Variants in IQCH observed in about 807,000 individuals in gnomAD.
IQCH encodes the protein IQ domain-containing protein H.
Under a neutral mutation model 117.0 loss-of-function variants are expected in IQCH, and 98 were observed. The ratio of observed to expected loss-of-function variants is 0.84; its 90% CI spans 0.71 to 0.99. IQCH has a LOEUF of 0.99. Among genes scored for constraint, IQCH ranks in the 50% least tolerant of loss-of-function variants. The pLI is 0.00. For synonymous variants in IQCH, 412 were observed against 448.2 expected, an observed-to-expected ratio of 0.92 and a Z score of 1.02; for missense variants, 1,102 against 1,243.8, an observed-to-expected ratio of 0.89 and a Z score of 1.72.
In IQCH at chr15:67,369,899, A is replaced by T. The variant is rs1970465428; in HGVS notation, c.754-2212A>T. Among the ~76,000 whole-genome samples the T allele has an allele frequency of 1.3e-5, 2 of 152,058 alleles. No homozygotes were observed. Among genetic ancestry groups the T allele is most frequent in the Non-Finnish European group, 2.9e-5 (2 of 68,000 alleles). ...ATGTACTACAGTTATGCTTTAGCTG[A>T]CTCCAAACCGATAGCTTCCCAGTGC... On this transcript the variant is annotated intron_variant, in intron 8 of 20. Coordinates refer to ENST00000335894, the MANE Select transcript of IQCH (RefSeq NM_001031715.3). The surrounding 1 kb of genome is among the most constrained non-coding windows in gnomAD (Gnocchi z 5.2).
intron 2 of IQCH, among the ~76,000 whole-genome samples, chr15:67,262,314 C>T (rs967849251): frequency 6.6e-6 from 1 of 152,120 alleles, no homozygotes; most frequent in African/African-American, 2.4e-5. Flanking sequence ...ATGAAACAAG[C>T]TAATGGGGTC....
At chr15:67,272,225 C>T (rs1157143459) in intron 3 of IQCH, among the ~76,000 whole-genome samples, 1 of 151,954 alleles carries the variant, frequency 6.6e-6, no homozygotes, top group Non-Finnish European at 1.5e-5. Context: ...TTCCAAGGTT[C>T]CTCTTGTTAT....
At position 67,426,560 on chromosome 15, in the gene IQCH, C is replaced by T; in HGVS notation, c.2505+4983C>T. Among the ~76,000 whole-genome samples, 1 of 145,920 alleles carries T rather than the reference C, an allele frequency of 6.9e-6. No homozygotes were observed. The highest frequency in any genetic ancestry group is 2.0e-4 in the East Asian group (1 of 5,004). Reference sequence around the variant, plus strand: ...ACTATTACATATCAATAAAAAATACCAAAAAAAAACCCAACCTCATACTCA... The same window carrying T: ...ACTATTACATATCAATAAAAAATACTAAAAAAAAACCCAACCTCATACTCA... On this transcript the variant is annotated intron_variant, in intron 16 of 20. Coordinates refer to ENST00000335894, the MANE Select transcript of IQCH (RefSeq NM_001031715.3). This position sits in a 1 kb window ranked among gnomAD's most constrained non-coding sequence, Gnocchi z 5.1.
At chr15:67,317,926 C>T (rs1967928287) in intron 4 of IQCH, among the ~76,000 whole-genome samples, 1 of 152,122 alleles carries the variant, frequency 6.6e-6, no homozygotes, top group African/African-American at 2.4e-5. Context: ...GTGATTGTAG[C>T]ACAATCCTAG....
At chr15:67,397,362 C>T (rs1348846614) in intron 13 of IQCH, among the ~76,000 whole-genome samples, 1 of 152,164 alleles carries the variant, frequency 6.6e-6, no homozygotes, top group East Asian at 1.9e-4. Context: ...TGACTAAAAA[C>T]CTCCTTAGAG....
chr15:67,322,124 A>G (rs1445415158), intron 4 of IQCH, among the ~76,000 whole-genome samples: 1 of 152,144 alleles, frequency 6.6e-6, no homozygotes, highest in Non-Finnish European at 1.5e-5. Flanking sequence ...TTTGTTTTAC[A>G]TATTTTGTGT....
chr15:67,464,776 G>A (rs2082888994), intron 16 of IQCH, among the ~76,000 whole-genome samples: 1 of 152,276 alleles, frequency 6.6e-6, no homozygotes, highest in East Asian at 1.9e-4. Flanking sequence ...CAAAGCTTCA[G>A]TCTCATTTTC....
chr15:67,492,440 AT>A (rs2083683417), intron 19 of IQCH, among the ~76,000 whole-genome samples: 1 of 152,172 alleles, frequency 6.6e-6, no homozygotes, highest in East Asian at 1.9e-4. Context: ...GAGAAGAGCA[AT>A]CAGACAGGCC....
chr15:67,331,989 C>T (rs1197041555), intron 4 of IQCH, among the ~76,000 whole-genome samples: 1 of 152,132 alleles, frequency 6.6e-6, no homozygotes, highest in Admixed American at 6.5e-5. Context: ...AGTGGACAGA[C>T]ATGTACTCAG....
rs1329149167 is a variant in IQCH, at chr15:67,337,108, A to G, written c.508+13A>G. 1 of 1,612,778 alleles carries G rather than the reference A, an allele frequency of 6.2e-7. No individual in the cohort carries two copies. Among genetic ancestry groups the G allele is most frequent in the Admixed American group, 1.7e-5 (1 of 59,902 alleles). ...GATGCCCACAAAGGTTAGTGATTCA[A>G]TAGCCATTTTACGTGTTTAGGAACG... On this transcript the variant is annotated intron_variant, in intron 5 of 20. Coordinates refer to ENST00000335894, the MANE Select transcript of IQCH (RefSeq NM_001031715.3).
chr15:67,416,968 G>T lies in IQCH; in HGVS notation c.2135G>T (p.Gly712Val), dbSNP rs560440173. 4 of 1,605,334 alleles carry T rather than the reference G, an allele frequency of 2.5e-6. No homozygotes were observed. In the East Asian group the frequency reaches 9.0e-5, roughly 36 times the overall value. ...GTGAAGATCTCTGAGGAGCTGGCGG[G>T]CATTTTAGCACAGCACGCACAGCCA... ...ALVKISEELA[G>V]ILAQHAQPVN... Residue 712 changes from glycine (G) to valine (V), a missense_variant, in exon 15 of 21, where the codon GGC (glycine) becomes GTC (valine). Physicochemically the swap from Gly to Val is moderately radical, Grantham distance 109. This residue lies in a region of IQCH where 650 missense variants were observed against 794.3 expected (regional missense o/e 0.82). Coordinates refer to ENST00000335894, the MANE Select transcript of IQCH (RefSeq NM_001031715.3). This position sits in a 1 kb window ranked among gnomAD's most constrained non-coding sequence, Gnocchi z 5.1.
chr15:67,418,513 C>CCACACACACACACACACACA (rs368875296), intron 15 of IQCH, among the ~76,000 whole-genome samples: 11 of 114,090 alleles, frequency 9.6e-5, no homozygotes, highest in South Asian at 3.0e-4. Context: ...CAAGTGGCTA[C>CCACACACACACACACACACA]CACACACACA....
rs1036732446 is a variant in IQCH at position 67,403,978 on chromosome 15, G to A, written c.2097+3673G>A. On this transcript the variant is annotated intron_variant, in intron 14 of 20. Transcript: ENST00000335894. This position sits in a 1 kb window ranked among gnomAD's most constrained non-coding sequence, Gnocchi z 4.8. ...GCCTCTGTTACCCTGGAGATTCTGG[G>A]ATGTGGTCTTGGCATTACTATTTTA... is the stretch of plus-strand genomic sequence containing the variant. 1 of 152,198 alleles carries A rather than the reference G, an allele frequency of 6.6e-6. No individual in the cohort carries two copies. Among genetic ancestry groups the A allele is most frequent in the African/African-American group, 2.4e-5 (1 of 41,442 alleles). The allele number at this position is 152,198 out of a possible 1,614,324, so 9.4% of individuals were successfully genotyped here. A position where few individuals can be genotyped will look rare whatever the true frequency, so the allele number is the denominator to read the frequency against.
At chr15:67,269,354 T>C (rs2140449828) in intron 3 of IQCH, among the ~76,000 whole-genome samples, 1 of 152,358 alleles carries the variant, frequency 6.6e-6, no homozygotes, top group African/African-American at 2.4e-5. Flanking sequence ...CAGCTTATTA[T>C]TTCATTGATA....
rs2081867603 is a variant in IQCH at position 67,425,592 on chromosome 15, A to T, written c.2505+4015A>T. On this transcript the variant is annotated intron_variant, in intron 16 of 20. Transcript: ENST00000335894. The surrounding 1 kb of genome is among the most constrained non-coding windows in gnomAD (Gnocchi z 5.5). The stretch of plus-strand genomic sequence containing the variant: ...GCGCCACTGCACTCCAGCCTGGGCG[A>T]CAGAGCAAGACTCTGTCTCAAAAAA... Among the ~76,000 whole-genome samples, 1 of 152,140 alleles carries T rather than the reference A, an allele frequency of 6.6e-6. No homozygotes were observed. Among genetic ancestry groups the T allele is most frequent in the African/African-American group, 2.4e-5 (1 of 41,412 alleles).
At chr15:67,358,807 C>T (rs551185641) in intron 7 of IQCH, among the ~76,000 whole-genome samples, 25 of 152,352 alleles carry the variant, frequency 1.6e-4, no homozygotes, top group African/African-American at 5.3e-4. Flanking sequence ...GCTACCTGCT[C>T]TTCCCAGACT....
At chr15:67,259,372 A>G (rs980679767) in intron 1 of IQCH, among the ~76,000 whole-genome samples, 1 of 152,206 alleles carries the variant, frequency 6.6e-6, no homozygotes, top group Non-Finnish European at 1.5e-5. Flanking sequence ...TTTTCATTCA[A>G]CAGTTTTAAG....
rs1224514054 is a variant in IQCH, at chr15:67,476,252, G to C, written c.2799+434G>C. Among the ~76,000 whole-genome samples the C allele has an allele frequency of 6.6e-6, 1 of 152,222 alleles. No homozygotes were observed. The highest frequency in any genetic ancestry group is 1.5e-5 in the Non-Finnish European group (1 of 68,048). On this transcript the variant is annotated intron_variant, in intron 18 of 20. Coordinates refer to ENST00000335894, the MANE Select transcript of IQCH (RefSeq NM_001031715.3). This position sits in a 1 kb window ranked among gnomAD's most constrained non-coding sequence, Gnocchi z 4.1. ...ACAGAAGCGTATTTTCTCACTGTCT[G>C]GCAGCTGGTACATCCAAGGACAAGG...
rs1660952019 is a variant in IQCH at position 67,447,200 on chromosome 15, A to G, written c.2506-17927A>G. 6.6e-6 allele frequency among the ~76,000 whole-genome samples: 1 copy of G among 152,222 alleles called. No homozygotes were observed. The highest frequency in any genetic ancestry group is 2.4e-5 in the African/African-American group (1 of 41,450). ...AACCCATAAAGTTGTTCGGAGGATG[A>G]TATGAGCAAATACCACAGTGCCTTG... On this transcript the variant is annotated intron_variant, in intron 16 of 20. Transcript: ENST00000335894. This position sits in a 1 kb window ranked among gnomAD's most constrained non-coding sequence, Gnocchi z 5.3.
Sources: gnomAD v4.1 joint callset for allele counts (sites outside exome capture counted in the v4.1 genomes callset) on GRCh38, gnomAD v4.1.1 for gene constraint, gnomAD v4.1.1 regional missense constraint, Gnocchi (gnomAD v3.1) non-coding constraint, MANE v1.5 for transcripts, NCBI Gene and HGNC (gene_info 2026-07-23, HGNC 2026-07-21) for gene names.